The following CHRM5 variants were observed in gnomAD, a reference collection of about 807,000 sequenced individuals.
The protein encoded by CHRM5 is muscarinic acetylcholine receptor M5.
Under a neutral mutation model 39.0 loss-of-function variants are expected in CHRM5, and 18 were observed. The ratio of observed to expected loss-of-function variants is 0.46; its 90% confidence interval spans 0.32 to 0.68. The LOEUF (loss-of-function observed/expected upper bound fraction) is 0.68. Ranked by LOEUF, CHRM5 falls within the 30% of genes least tolerant of loss-of-function variation. The pLI is 0.04. For missense variants in CHRM5, 515 were observed against 651.1 expected (o/e 0.79, Z 2.28); for synonymous variants, 241 against 246.3 (o/e 0.98, Z 0.20).
Position 34,034,066 on chromosome 15 carries a change from T to C in CHRM5, c.-407-12474T>C, listed in dbSNP as rs890966620. Among the ~76,000 whole-genome samples the C allele has an allele frequency of 1.5e-4, 23 of 152,334 alleles. 1 individual carries two copies. Among genetic ancestry groups the C allele is most frequent in the Non-Finnish European group, 5.9e-5 (4 of 68,022 alleles). ...TCCCAAAGTGCTGGGATTACAGGCATGAGCCACTGCGCCCAGCCTAAATAA... is the reference window on the plus strand; with the variant it reads ...TCCCAAAGTGCTGGGATTACAGGCACGAGCCACTGCGCCCAGCCTAAATAA... On this transcript the variant is annotated intron_variant, in intron 1 of 2. Transcript: ENST00000383263.
chr15:34,019,969 C>T (rs1031884784), intron 1 of CHRM5, among the ~76,000 whole-genome samples: 2 of 152,162 alleles, frequency 1.3e-5, no homozygotes, highest in African/African-American at 4.8e-5. Flanking sequence ...ATGCATACAA[C>T]AAGTTCAAAA....
At chr15:34,029,704 T>A (rs947900808) in intron 1 of CHRM5, among the ~76,000 whole-genome samples, 4 of 152,166 alleles carry the variant, frequency 2.6e-5, no homozygotes, top group African/African-American at 9.7e-5. Context: ...AGAATAATAC[T>A]CATTTTTTCA....
chr15:34,031,411 G>A (rs977698297), intron 1 of CHRM5, among the ~76,000 whole-genome samples: 1 of 152,062 alleles, frequency 6.6e-6, no homozygotes, highest in Non-Finnish European at 1.5e-5. Flanking sequence ...CTGACCTCAG[G>A]TGATCTGCCT....
chr15:34,044,045 T>G (rs1404052203), intron 1 of CHRM5, among the ~76,000 whole-genome samples: 2 of 151,042 alleles, frequency 1.3e-5, no homozygotes, highest in Admixed American at 1.3e-4. Flanking sequence ...TTCTAATGAA[T>G]CATTCACATT....
At chr15:34,062,554 CAAA>C (rs10632153) in intron 2 of CHRM5, 86 bp from the exon 3 acceptor site, 508 of 409,462 alleles carry the variant, frequency 1.2e-3, no homozygotes, top group South Asian at 2.8e-3. Flanking sequence ...GATTCTGTCT[CAAA>C]AAAAAAAAAA....
chr15:34,047,517 C>G (rs1450242339), intron 2 of CHRM5, among the ~76,000 whole-genome samples: 1 of 152,182 alleles, frequency 6.6e-6, no homozygotes, highest in African/African-American at 2.4e-5. Context: ...TGGCACCTCA[C>G]AAGATAAGAC....
At position 33,978,751 on chromosome 15, in the gene CHRM5, G is replaced by C. The variant is rs186788670; in HGVS notation, c.-408+9601G>C. Among the ~76,000 whole-genome samples, 39 of 152,054 alleles carry C rather than the reference G, an allele frequency of 2.6e-4. No individual in the cohort carries two copies. The East Asian group carries it at 6.4e-3, about 25-fold the overall frequency. ...CAGGCATTTGAGAAAAACAGAATTCGGCCTTACTTTTTCCCTTTCCCCTGG... is the reference window on the plus strand; with the variant it reads ...CAGGCATTTGAGAAAAACAGAATTCCGCCTTACTTTTTCCCTTTCCCCTGG... On this transcript the variant is annotated intron_variant, in intron 1 of 2. Coordinates refer to ENST00000383263, the MANE Select transcript of CHRM5 (RefSeq NM_012125.4).
intron 2 of CHRM5, 131 bp from the exon 3 acceptor site, chr15:34,062,512 A>G (rs1382958624): frequency 2.8e-4 from 145 of 515,388 alleles, no homozygotes; most frequent in Admixed American, 2.9e-4. Context: ...CTGAGATCGC[A>G]CCACTGCACT....
At chr15:34,009,968 GA>G (rs930073277) in intron 1 of CHRM5, among the ~76,000 whole-genome samples, 2 of 151,008 alleles carry the variant, frequency 1.3e-5, no homozygotes, top group Non-Finnish European at 3.0e-5. Context: ...TCTCTTAAAA[GA>G]AAAAAAAGAA....
chr15:33,988,178 A>G (rs1172884107), intron 1 of CHRM5, among the ~76,000 whole-genome samples: 1 of 152,224 alleles, frequency 6.6e-6, no homozygotes, highest in East Asian at 1.9e-4. Flanking sequence ...TGTAAACAAC[A>G]CAGCTTCTTT....
At chr15:34,053,718 T>C (rs1284144159) in intron 2 of CHRM5, among the ~76,000 whole-genome samples, 1 of 151,974 alleles carries the variant, frequency 6.6e-6, no homozygotes, top group African/African-American at 2.4e-5. Context: ...CCCAAAACTA[T>C]AAAAACTCTA....
rs551632335 is a variant in CHRM5, at chr15:33,968,799, G to A, written c.-759G>A. 6.6e-6 allele frequency: 1 copy of A among 152,174 alleles called. No individual in the cohort carries two copies. Among genetic ancestry groups the A allele is most frequent in the African/African-American group, 2.4e-5 (1 of 41,542 alleles). 9.4% of individuals were successfully genotyped at this position (152,174 alleles called of 1,614,324 possible). On this transcript the variant is annotated 5_prime_UTR_variant, in exon 1 of 3. Coordinates refer to ENST00000383263, the MANE Select transcript of CHRM5 (RefSeq NM_012125.4). ...CGAACAAGCAGAACTTTTCCAGGGG[G>A]TCAAATGCATATAGGAACAACCAGG...
In CHRM5 at chr15:34,064,373, G is replaced by A. The variant is rs2140849509; in HGVS notation, c.*57G>A. 2 of 1,510,160 alleles carry A rather than the reference G, an allele frequency of 1.3e-6. No homozygotes were observed. Among genetic ancestry groups the A allele is most frequent in the Non-Finnish European group, 1.8e-6 (2 of 1,128,536 alleles). 93.5% of individuals were successfully genotyped at this position (1,510,160 alleles called of 1,614,324 possible). On this transcript the variant is annotated 3_prime_UTR_variant, in exon 3 of 3. Transcript: ENST00000383263. Reference sequence around the variant, plus strand: ...ACCACAGTCAACATCCTCTGAGGATGAGCAAGCTGATTCTGGTTTGTATAT... The same window carrying A: ...ACCACAGTCAACATCCTCTGAGGATAAGCAAGCTGATTCTGGTTTGTATAT...
At chr15:34,008,326 T>C (rs1334392259) in intron 1 of CHRM5, among the ~76,000 whole-genome samples, 2 of 151,258 alleles carry the variant, frequency 1.3e-5, no homozygotes, top group Admixed American at 6.6e-5. Context: ...GAGGCTGAGG[T>C]GATAGGATCA....
At position 33,968,711 on chromosome 15, in the gene CHRM5, C is replaced by T. The variant is rs1471488154; in HGVS notation, c.-847C>T. 6.6e-6 allele frequency: 1 copy of T among 152,120 alleles called. No homozygotes were observed. Among genetic ancestry groups the T allele is most frequent in the Non-Finnish European group, 1.5e-5 (1 of 67,988 alleles). The allele number at this position is 152,120 out of a possible 1,614,324, so 9.4% of individuals were successfully genotyped here. A position where few individuals can be genotyped will look rare whatever the true frequency, so the allele number is the denominator to read the frequency against. On this transcript the variant is annotated 5_prime_UTR_variant, in exon 1 of 3. Coordinates refer to ENST00000383263, the MANE Select transcript of CHRM5 (RefSeq NM_012125.4). ...AAGCAAGAGTGCAAGAACATCCATG[C>T]TTCTAGTCCAGATAATGTTTTTTAA...
chr15:34,036,754 G>A (rs1319784258), intron 1 of CHRM5, among the ~76,000 whole-genome samples: 3 of 152,142 alleles, frequency 2.0e-5, no homozygotes, highest in Non-Finnish European at 4.4e-5. Context: ...TTAACAGAAT[G>A]TGTTACAATA....
chr15:34,040,244 T>G (rs1475618879), intron 1 of CHRM5, among the ~76,000 whole-genome samples: 1 of 152,074 alleles, frequency 6.6e-6, no homozygotes, highest in Non-Finnish European at 1.5e-5. Context: ...TGTGAATAGA[T>G]GATTACAGTA....
intron 1 of CHRM5, among the ~76,000 whole-genome samples, chr15:34,045,335 AC>A (rs1429849435): frequency 6.6e-6 from 1 of 152,220 alleles, no homozygotes; most frequent in Non-Finnish European, 1.5e-5. Context: ...TTTCTTAATC[AC>A]CACCTTATCT....
chr15:33,976,451 T>A (rs1895892600), intron 1 of CHRM5, among the ~76,000 whole-genome samples: 1 of 125,516 alleles, frequency 8.0e-6, no homozygotes, highest in Non-Finnish European at 1.7e-5. Context: ...CCAATACCCA[T>A]GGACTTATTA....
Sources: allele counts gnomAD v4.1 joint callset (sites outside exome capture counted in the v4.1 genomes callset), GRCh38; gene constraint gnomAD v4.1.1; transcripts MANE v1.5; gene names NCBI Gene and HGNC (gene_info 2026-07-23, HGNC 2026-07-21).